Variants in SH3D19 observed in about 807,000 individuals in gnomAD.
SH3D19 encodes SH3 domain containing 19.
In SH3D19, 58 loss-of-function variants were observed where a neutral mutation model predicts 112.1. The observed-to-expected ratio is 0.52, with a 90% CI of 0.42 to 0.64. The LOEUF is 0.64. SH3D19 is among the 30% of genes least tolerant of loss of function. The probability of loss-of-function intolerance (pLI) is 0.00; values close to 1 mark genes in which losing one functional copy is unlikely to be tolerated. For synonymous variants in SH3D19, 391 were observed against 448.5 expected (o/e 0.87, Z 1.62); for missense variants, 1,090 against 1,263.4 (o/e 0.86, Z 2.08).
At chr4:151,222,247 A>C (rs942879104) in intron 2 of SH3D19, among the ~76,000 whole-genome samples, 9 of 152,268 alleles carry the variant, frequency 5.9e-5, no homozygotes, top group Non-Finnish European at 1.0e-4. Context: ...AGTTCTCTCC[A>C]CTGTGTCCTT....
intron 1 of SH3D19, chr4:151,291,303 C>T: frequency 6.2e-7 from 1 of 1,613,956 alleles, no homozygotes. Context: ...ACTTCTTGTT[C>T]CCTATTGTCC....
chr4:151,222,667 CT>C (rs1554057762), intron 2 of SH3D19, among the ~76,000 whole-genome samples: 57 of 87,248 alleles, frequency 6.5e-4, no homozygotes, highest in African/African-American at 2.2e-3. Flanking sequence ...CTCTCTCTCT[CT>C]TTTTTTTTTT....
At chr4:151,132,038 G>A (rs1452166706) in intron 17 of SH3D19, among the ~76,000 whole-genome samples, 1 of 151,882 alleles carries the variant, frequency 6.6e-6, no homozygotes, top group Non-Finnish European at 1.5e-5. Context: ...TGGCCAGGCT[G>A]GTCTCGAACT....
chr4:151,153,778 G>C (rs371785550), intron 9 of SH3D19, among the ~76,000 whole-genome samples: 8 of 152,140 alleles, frequency 5.3e-5, no homozygotes, highest in African/African-American at 1.4e-4. Flanking sequence ...TGAATGTTCT[G>C]ACTCCCTTTA....
At chr4:151,319,288 A>G (rs1409116990) in intron 1 of SH3D19, among the ~76,000 whole-genome samples, 1 of 152,188 alleles carries the variant, frequency 6.6e-6, no homozygotes, top group East Asian at 1.9e-4. Context: ...GACCTCAGGT[A>G]GTCCACCCGC....
chr4:151,139,852 G>A lies in SH3D19; in HGVS notation c.2224-5C>T, dbSNP rs1269308291. 4 of 1,613,852 alleles carry A rather than the reference G, an allele frequency of 2.5e-6. No homozygotes were observed. The South Asian group carries it at 4.4e-5, about 18-fold the overall frequency. On this transcript the variant is annotated splice_polypyrimidine_tract_variant and splice_region_variant and intron_variant, in intron 12 of 19. Transcript: ENST00000604030. Reference sequence around the variant, plus strand: ...CTTCTGAGCGTGGCTTGGATCCTTAGGGGGAGAAAAGGGCTGTGAATGAAG... The same window carrying A: ...CTTCTGAGCGTGGCTTGGATCCTTAAGGGGAGAAAAGGGCTGTGAATGAAG...
chr4:151,296,630 A>T (rs1335379461), intron 1 of SH3D19, among the ~76,000 whole-genome samples: 1 of 152,240 alleles, frequency 6.6e-6, no homozygotes, highest in Non-Finnish European at 1.5e-5. Flanking sequence ...GGCTCAATAC[A>T]GCATTTCTGC....
intron 2 of SH3D19, among the ~76,000 whole-genome samples, chr4:151,206,035 T>C (rs1765057654): frequency 6.6e-6 from 1 of 152,044 alleles, no homozygotes; most frequent in South Asian, 2.1e-4. Context: ...CAAAACACAT[T>C]AGGTGAGAAT....
chr4:151,173,387 A>G (rs1255084329), intron 7 of SH3D19, among the ~76,000 whole-genome samples: 1 of 152,248 alleles, frequency 6.6e-6, no homozygotes, highest in Non-Finnish European at 1.5e-5. Context: ...TTAGAATAAA[A>G]ACACTAAGTT....
intron 1 of SH3D19, among the ~76,000 whole-genome samples, chr4:151,284,496 C>T (rs1262552872): frequency 6.6e-6 from 1 of 152,176 alleles, no homozygotes; most frequent in African/African-American, 2.4e-5. Flanking sequence ...TTTTCCTTTA[C>T]ATGTGTTGAT....
chr4:151,310,384 GA>G (rs539478738), intron 1 of SH3D19, among the ~76,000 whole-genome samples: 4 of 150,138 alleles, frequency 2.7e-5, no homozygotes, highest in African/African-American at 4.9e-5. Context: ...ACCAAACAAA[GA>G]AAAAAAAATC....
intron 1 of SH3D19, among the ~76,000 whole-genome samples, chr4:151,254,294 T>A (rs190955850): frequency 0.048 from 6,443 of 134,648 alleles, 457 homozygotes; most frequent in African/African-American, 0.16. Context: ...TTATTTTTTT[T>A]ATTTTTATTT....
intron 2 of SH3D19, among the ~76,000 whole-genome samples, chr4:151,210,013 G>A (rs143068810): frequency 1.5e-3 from 226 of 152,274 alleles, no homozygotes; most frequent in African/African-American, 5.1e-3. Context: ...GCCAAATAGC[G>A]TAGGACCATT....
At chr4:151,203,100 G>A (rs1275781225) in intron 2 of SH3D19, among the ~76,000 whole-genome samples, 4 of 152,126 alleles carry the variant, frequency 2.6e-5, no homozygotes, top group African/African-American at 9.7e-5. Context: ...TTCCAAGCTT[G>A]ACTCCTAATC....
chr4:151,170,185 AC>A (rs776195836), intron 7 of SH3D19, among the ~76,000 whole-genome samples: 1 of 152,208 alleles, frequency 6.6e-6, no homozygotes, highest in Non-Finnish European at 1.5e-5. Context: ...CACATTGGTT[AC>A]CGTGGGGAGT....
rs1203012544 is a variant in SH3D19 at position 151,251,661 on chromosome 4, T to C, written c.113-25575A>G. Among the ~76,000 whole-genome samples, 3 of 152,168 alleles carry C rather than the reference T, an allele frequency of 2.0e-5. No homozygotes were observed. The East Asian group carries it at 5.8e-4, about 29-fold the overall frequency. ...AGCTTAAGTTAGTGATTTCTCATTA[T>C]AATCACTCCCCTGTCCACCCTTCTT... On this transcript the variant is annotated intron_variant, in intron 1 of 19. Coordinates refer to ENST00000604030, the MANE Select transcript of SH3D19 (RefSeq NM_001378122.1).
At chr4:151,168,739 G>A (rs1009780375) in intron 7 of SH3D19, among the ~76,000 whole-genome samples, 13 of 152,046 alleles carry the variant, frequency 8.6e-5, no homozygotes, top group Non-Finnish European at 1.2e-4. Flanking sequence ...GGCCTGAAGT[G>A]CTATTTCTTT....
intron 1 of SH3D19, chr4:151,291,433 T>C (rs773686700): frequency 1.5e-5 from 24 of 1,611,560 alleles, no homozygotes; most frequent in Non-Finnish European, 2.0e-5. Flanking sequence ...TGCATGGAGA[T>C]TTAGTCCCAG....
At chr4:151,189,249 G>A (rs746296347) in intron 2 of SH3D19, among the ~76,000 whole-genome samples, 1 of 152,016 alleles carries the variant, frequency 6.6e-6, no homozygotes, top group South Asian at 2.1e-4. Flanking sequence ...AAGCAGCTGG[G>A]ACTACAGGCA....
Sources: gnomAD v4.1 joint callset for allele counts (sites outside exome capture counted in the v4.1 genomes callset) on GRCh38, gnomAD v4.1.1 for gene constraint, MANE v1.5 for transcripts, NCBI Gene and HGNC (gene_info 2026-07-23, HGNC 2026-07-21) for gene names.